The following MCM7 variants were observed in gnomAD, a reference collection of about 807,000 sequenced individuals.
MCM7 encodes the protein DNA replication licensing factor MCM7.
A neutral mutation model predicts 83.5 loss-of-function variants in MCM7; 95 were observed. That is an observed-to-expected ratio of 1.14 (90% CI 0.96 to 1.35). The LOEUF is 1.35. Ranked by LOEUF, MCM7 falls within the 40% of genes most tolerant of loss-of-function variation. MCM7 has a pLI of 0.00. For missense variants in MCM7, 1,087 were observed against 957.4 expected, an observed-to-expected ratio of 1.14 and a Z score of -1.79; for synonymous variants, 461 against 352.7, an observed-to-expected ratio of 1.31 and a Z score of -3.44.
chr7:100,099,086 G>C lies in MCM7; in HGVS notation c.519C>G (p.Val173=), dbSNP rs1337890389. The C allele has an allele frequency of 1.9e-6, 3 of 1,614,038 alleles. No individual in the cohort carries two copies. The highest frequency in any genetic ancestry group is 2.2e-5 in the South Asian group (2 of 91,076). The change falls in exon 5 of 15, where the codon GTC becomes GTG. Residue 173 remains valine, a synonymous_variant. Transcript: ENST00000303887. ...VRGIVTRVSE[V]KPKMVVATYT... Reference sequence around the variant, plus strand: ...AAGTGGCCACCACCATCTTGGGTTTGACTTCAGAGACACGAGTGACGATTC... The same window carrying C: ...AAGTGGCCACCACCATCTTGGGTTTCACTTCAGAGACACGAGTGACGATTC...
At position 100,094,160 on chromosome 7, in the gene MCM7, T is replaced by C. The variant is rs1795491255; in HGVS notation, c.1848+13A>G. 1 of 1,613,900 alleles carries C rather than the reference T, an allele frequency of 6.2e-7. No homozygotes were observed. The highest frequency in any genetic ancestry group is 2.2e-5 in the East Asian group (1 of 44,888). Reference sequence around the variant, plus strand: ...GTCAAAACAGATGGCCCTCCAGCAATTTGGGCACTTACCAGAGCAGTGGAA... The same window carrying C: ...GTCAAAACAGATGGCCCTCCAGCAACTTGGGCACTTACCAGAGCAGTGGAA... On this transcript the variant is annotated intron_variant, in intron 13 of 14. Coordinates refer to ENST00000303887, the MANE Select transcript of MCM7 (RefSeq NM_005916.5).
Position 100,097,600 on chromosome 7 carries a change from T to C in MCM7, c.1117+14A>G. ...ACTTCATCCACCCTGAGCCTCTCCC[T>C]TGTTTCTTCTTACCCCGGATTTTCA... On this transcript the variant is annotated intron_variant, in intron 9 of 14. Coordinates refer to ENST00000303887, the MANE Select transcript of MCM7 (RefSeq NM_005916.5). 1 of 1,613,304 alleles carries C rather than the reference T, an allele frequency of 6.2e-7. No individual in the cohort carries two copies. The highest frequency in any genetic ancestry group is 1.1e-5 in the South Asian group (1 of 91,044).
At chr7:100,101,126 C>G in intron 1 of MCM7, 138 bp downstream of exon 1, 2 of 1,091,920 alleles carry the variant, frequency 1.8e-6, no homozygotes, top group Non-Finnish European at 2.7e-6. Context: ...TTAGCCAGGC[C>G]GCAGCTCGAC....
At chr7:100,096,817 T>C (rs938436921) in intron 10 of MCM7, among the ~76,000 whole-genome samples, 2 of 151,556 alleles carry the variant, frequency 1.3e-5, no homozygotes, top group Non-Finnish European at 2.9e-5. Flanking sequence ...AAAAAAACTT[T>C]TTAGGCCGGG....
rs138710609 is a variant in MCM7 at position 100,096,195 on chromosome 7, A to G, written c.1202-28T>C. 5.1e-3 allele frequency: 7,789 copies of G among 1,532,910 alleles called. 39 individuals are homozygous for G. The highest frequency in any genetic ancestry group is 0.014 in the Middle Eastern group (78 of 5,698). The allele number at this position is 1,532,910 out of a possible 1,614,324, so 95.0% of individuals were successfully genotyped here. A position where few individuals can be genotyped will look rare whatever the true frequency, so the allele number is the denominator to read the frequency against. ...GGAAGAGAAGAAATAAGGAACCATG[A>G]GAGAGAAAGAACAAGAAAGAGAACA... On this transcript the variant is annotated intron_variant, in intron 10 of 14. Transcript: ENST00000303887.
rs750557325 is a variant in MCM7, at chr7:100,097,835, T to A, written c.984A>T (p.Ala328=). 2 of 1,614,110 alleles carry A rather than the reference T, an allele frequency of 1.2e-6. No individual in the cohort carries two copies. Among genetic ancestry groups the A allele is most frequent in the South Asian group, 2.2e-5 (2 of 91,084 alleles). The change falls in exon 8 of 15, where the codon GCA becomes GCT. Residue 328 remains alanine (A), a splice_region_variant and synonymous_variant. Coordinates refer to ENST00000303887, the MANE Select transcript of MCM7 (RefSeq NM_005916.5). ...TCCTCTCTCTCCCCTGCCCCTCACC[T>A]GCAATTTGCCTCAGCTCCTCCCTGG... ...ELTREELRQI[A]EEDFYEKLAA... is the part of the protein sequence containing the mutation.
chr7:100,096,604 G>A lies in MCM7; in HGVS notation c.1202-437C>T, dbSNP rs550724416. 2.0e-5 allele frequency among the ~76,000 whole-genome samples: 3 copies of A among 152,078 alleles called. No individual in the cohort carries two copies. In the South Asian group the frequency reaches 6.2e-4, roughly 31 times the overall value. ...CAGCCTGCCCAACACAGTAAACCCT[G>A]TCTCTACTAAAAATACAAAAAGTGG... On this transcript the variant is annotated intron_variant, in intron 10 of 14. Coordinates refer to ENST00000303887, the MANE Select transcript of MCM7 (RefSeq NM_005916.5).
chr7:100,093,492 C>G (rs1795436391), intron 13 of MCM7, 91 bp from the exon 14 acceptor site: 1 of 1,202,186 alleles, frequency 8.3e-7, no homozygotes, highest in African/African-American at 1.5e-5. Flanking sequence ...TAAGGCTGGG[C>G]AGCCCATGGG....
chr7:100,096,206 A>G lies in MCM7; in HGVS notation c.1202-39T>C, dbSNP rs758989398. On this transcript the variant is annotated intron_variant, in intron 10 of 14. Transcript: ENST00000303887. ...AATAAGGAACCATGAGAGAGAAAGA[A>G]CAAGAAAGAGAACAAGCAAAAGACA... is the stretch of plus-strand genomic sequence containing the variant. 1.6e-5 allele frequency: 24 copies of G among 1,521,264 alleles called. No homozygotes were observed. The South Asian group carries it at 2.5e-4, about 16-fold the overall frequency. The allele number at this position is 1,521,264 out of a possible 1,614,324, so 94.2% of individuals were successfully genotyped here.
Position 100,092,834 on chromosome 7 carries a change from A to G in MCM7, c.*98T>C, listed in dbSNP as rs1243976962. On this transcript the variant is annotated 3_prime_UTR_variant, in exon 15 of 15. Transcript: ENST00000303887. ...AAGGAGTAAGTGCAGCATGGGAGAAAGAGGGGCTCCTCCTTCCCCTCAAAG... is the reference window on the plus strand; with the variant it reads ...AAGGAGTAAGTGCAGCATGGGAGAAGGAGGGGCTCCTCCTTCCCCTCAAAG... The G allele has an allele frequency of 4.0e-6, 5 of 1,255,816 alleles. No individual in the cohort carries two copies. Among genetic ancestry groups the G allele is most frequent in the Middle Eastern group, 1.9e-4 (1 of 5,252 alleles). 77.8% of individuals were successfully genotyped at this position (1,255,816 alleles called of 1,614,324 possible). A position where few individuals can be genotyped will look rare whatever the true frequency, so the allele number is the denominator to read the frequency against.
chr7:100,097,683 C>T lies in MCM7; in HGVS notation c.1048G>A (p.Val350Met), dbSNP rs1795713147. ...IAPEIYGHED[V>M]KKALLLLLVG... ...AGCAGGAGCAGCAGTGCCTTCTTCA[C>T]ATCTTCATGCCCGTATATTTCTGGG... The change falls in exon 9 of 15, where the codon GTG becomes ATG. Residue 350 changes from valine (V) to methionine (M), a missense_variant. By Grantham distance (21) the Val-to-Met change is conservative. Transcript: ENST00000303887. 6.2e-7 allele frequency: 1 copy of T among 1,614,104 alleles called. No individual in the cohort carries two copies. The highest frequency in any genetic ancestry group is 8.5e-7 in the Non-Finnish European group (1 of 1,180,048).
At chr7:100,095,752 T>C in intron 11 of MCM7, 22 bp downstream of exon 11, 1 of 1,548,602 alleles carries the variant, frequency 6.5e-7, no homozygotes, top group Non-Finnish European at 8.7e-7. Context: ...GGACCTCTCT[T>C]TGGGTGTTGA....
Position 100,096,044 on chromosome 7 carries a change from C to T in MCM7, c.1325G>A (p.Cys442Tyr). ...CATCTTGTCGAACTCATCAATGCAG[C>T]ACACACCCTGGTCAGCCAGCACCAG... ...GALVLADQGV[C>Y]CIDEFDKMAE... Residue 442 changes from cysteine to tyrosine, a missense_variant, in exon 11 of 15, where the codon TGC (cysteine) becomes TAC (tyrosine). By Grantham distance (194) the Cys-to-Tyr change is radical (BLOSUM62 -2). Coordinates refer to ENST00000303887, the MANE Select transcript of MCM7 (RefSeq NM_005916.5). 6.2e-7 allele frequency: 1 copy of T among 1,614,058 alleles called. No individual in the cohort carries two copies. Among genetic ancestry groups the T allele is most frequent in the African/African-American group, 1.3e-5 (1 of 74,994 alleles).
chr7:100,093,438 GGAGGGCAGTGGAAC>G, intron 13 of MCM7, 37 bp from the exon 14 acceptor site: 1 of 1,583,422 alleles, frequency 6.3e-7, no homozygotes, highest in South Asian at 1.1e-5. Context: ...GGGAACGGGA[GGAGGGCAGTGGAAC>G]GAGGTCAGGG....
chr7:100,093,414 TA>T lies in MCM7; in HGVS notation c.1849-14del, dbSNP rs770122904. ...TTCTCAGACGTGCCTAAGGGGAAGG[TA>T]GGGGGGAAAGATGGGAACGGGAGGA... is the stretch of plus-strand genomic sequence containing the variant. On this transcript the variant is annotated splice_polypyrimidine_tract_variant and intron_variant, in intron 13 of 14. Transcript: ENST00000303887. 8.1e-5 allele frequency: 130 copies of T among 1,611,720 alleles called. 1 individual carries two copies. The South Asian group carries it at 1.2e-3, about 15-fold the overall frequency.
Position 100,099,423 on chromosome 7 carries a change from A to T in MCM7, c.277-20T>A, listed in dbSNP as rs1172238666. 1 of 1,554,306 alleles carries T rather than the reference A, an allele frequency of 6.4e-7. No individual in the cohort carries two copies. The highest frequency in any genetic ancestry group is 1.2e-5 in the South Asian group (1 of 84,438). On this transcript the variant is annotated intron_variant, in intron 3 of 14. Transcript: ENST00000303887. ...TACCACCTAAAGGAGAAGAACAAAA[A>T]AAAAAAAAAAAAAGAGCAACAGGAT...
intron 12 of MCM7, 142 bp downstream of exon 12, chr7:100,095,245 A>T: frequency 1.3e-6 from 1 of 763,408 alleles, no homozygotes; most frequent in Non-Finnish European, 2.3e-6. Context: ...TTTTCCACTT[A>T]AAAGCTGATC....
At chr7:100,100,472 C>CCACCGCACCCCGCCACCG (rs1795919337) in intron 1 of MCM7, 2 of 908,146 alleles carry the variant, frequency 2.2e-6, no homozygotes, top group African/African-American at 2.0e-5. Flanking sequence ...GGGACCTCCG[C>CCACCGCACCCCGCCACCG]CACCGCACCC....
rs924563757 is a variant in MCM7 at position 100,093,201 on chromosome 7, A to G, written c.1959-68T>C. The G allele has an allele frequency of 3.7e-5, 59 of 1,592,446 alleles. 1 individual carries two copies. In the South Asian group the frequency reaches 4.5e-4, roughly 12 times the overall value. Reference sequence around the variant, plus strand: ...GAATGCTCGACATCAACAGAGAACAATGGTGGCCAGTGTTAGAATTGAGGC... The same window carrying G: ...GAATGCTCGACATCAACAGAGAACAGTGGTGGCCAGTGTTAGAATTGAGGC... On this transcript the variant is annotated intron_variant, in intron 14 of 14. Transcript: ENST00000303887.
Sources: gnomAD v4.1 joint callset for allele counts (sites outside exome capture counted in the v4.1 genomes callset) on GRCh38, gnomAD v4.1.1 for gene constraint, MANE v1.5 for transcripts, NCBI Gene and HGNC (gene_info 2026-07-23, HGNC 2026-07-21) for gene names.